Variants in CRACD observed in about 807,000 individuals in gnomAD.
The protein encoded by CRACD is capping protein-inhibiting regulator of actin dynamics.
A neutral mutation model predicts 106.8 loss-of-function variants in CRACD; 56 were observed. That is an observed-to-expected ratio of 0.52 (90% CI 0.42 to 0.66). CRACD has a LOEUF of 0.66. CRACD is among the 30% of genes least tolerant of loss of function. The pLI, the probability that CRACD is intolerant of heterozygous loss-of-function variation, is 0.00. For synonymous variants in CRACD, 754 were observed against 670.8 expected, an observed-to-expected ratio of 1.12 and a Z score of -1.92; for missense variants, 1,730 against 1,623.2, an observed-to-expected ratio of 1.07 and a Z score of -1.13.
intron 2 of CRACD, among the ~76,000 whole-genome samples, chr4:56,190,697 G>A (rs528258035): frequency 9.2e-5 from 14 of 152,060 alleles, no homozygotes; most frequent in Non-Finnish European, 2.1e-4. Flanking sequence ...GGCATTGAGC[G>A]TCTGCAGCTT....
intron 1 of CRACD, among the ~76,000 whole-genome samples, chr4:56,108,172 C>T (rs971183827): frequency 3.6e-4 from 55 of 152,124 alleles, no homozygotes; most frequent in African/African-American, 1.1e-3. Flanking sequence ...TTCTCAATTA[C>T]AAAGGGAGAA....
At chr4:56,233,729 G>C (rs887970152) in intron 2 of CRACD, among the ~76,000 whole-genome samples, 1 of 152,144 alleles carries the variant, frequency 6.6e-6, no homozygotes, top group African/African-American at 2.4e-5. Context: ...GTCAACTTCA[G>C]CAAAACTGCC....
intron 2 of CRACD, among the ~76,000 whole-genome samples, chr4:56,253,195 G>C (rs1170604535): frequency 6.6e-6 from 1 of 152,114 alleles, no homozygotes; most frequent in African/African-American, 2.4e-5. Context: ...CCTCTCCCAG[G>C]CCCTGAAGGT....
At position 56,214,681 on chromosome 4, in the gene CRACD, C is replaced by CTCTCTCTCTATATATATATA; in HGVS notation, c.-189+35252_-189+35253insCTCTCTCTATATATATATAT. On this transcript the variant is annotated intron_variant, in intron 2 of 10. Transcript: ENST00000682029. Reference sequence around the variant, plus strand: ...TCTCTCTCTCTCTCTCTCTCTCTCTCTATATATATATATATCAAACAGTTA... The same window carrying CTCTCTCTCTATATATATATA: ...TCTCTCTCTCTCTCTCTCTCTCTCTCTCTCTCTCTATATATATATATATATATATATATATCAAACAGTTA... Among the ~76,000 whole-genome samples, 585 of 80,924 alleles carry CTCTCTCTCTATATATATATA rather than the reference C, an allele frequency of 7.2e-3. 10 individuals are homozygous for CTCTCTCTCTATATATATATA. The highest frequency in any genetic ancestry group is 0.023 in the African/African-American group (545 of 23,424). The allele number at this position is 80,924 out of a possible 152,430, so 53.1% of individuals were successfully genotyped here.
intron 1 of CRACD, among the ~76,000 whole-genome samples, chr4:56,163,860 C>T (rs73155138): frequency 0.058 from 8,806 of 152,164 alleles, 435 homozygotes; most frequent in African/African-American, 0.12. Context: ...ATTCTCATGC[C>T]TCAGCTTCCA....
chr4:56,136,023 CTT>C (rs879266299), intron 1 of CRACD, among the ~76,000 whole-genome samples: 6 of 144,694 alleles, frequency 4.1e-5, no homozygotes, highest in Non-Finnish European at 7.6e-5. Flanking sequence ...AGTATGTACT[CTT>C]TTTTTTTTTG....
At chr4:56,191,741 C>T (rs112357827) in intron 2 of CRACD, among the ~76,000 whole-genome samples, 4 of 152,288 alleles carry the variant, frequency 2.6e-5, no homozygotes, top group Admixed American at 6.5e-5. Flanking sequence ...CCACCATGTA[C>T]GACGTTATTT....
At chr4:56,223,224 CTTT>C (rs11341953) in intron 2 of CRACD, among the ~76,000 whole-genome samples, 2 of 146,998 alleles carry the variant, frequency 1.4e-5, no homozygotes, top group African/African-American at 2.5e-5. Flanking sequence ...ATTCTTTTCT[CTTT>C]TTTTTTTTTC....
intron 2 of CRACD, among the ~76,000 whole-genome samples, chr4:56,188,131 GA>G (rs1737162345): frequency 6.6e-6 from 1 of 152,138 alleles, no homozygotes; most frequent in Non-Finnish European, 1.5e-5. Flanking sequence ...ATTCCATGCA[GA>G]AAAACATCCC....
chr4:56,089,065 G>A (rs943170532), intron 1 of CRACD, among the ~76,000 whole-genome samples: 2 of 152,108 alleles, frequency 1.3e-5, no homozygotes, highest in Non-Finnish European at 2.9e-5. Context: ...TTTCACTAAC[G>A]AGTTAGAGAT....
rs564203920 is a variant in CRACD at position 56,112,624 on chromosome 4, G to T, written c.-336+63325G>T. ...TCCCCCTGTCTGAGGTCCACTGCCAGCACACCTGGGTTTCTGAAAATTAAC... is the reference window on the plus strand; with the variant it reads ...TCCCCCTGTCTGAGGTCCACTGCCATCACACCTGGGTTTCTGAAAATTAAC... On this transcript the variant is annotated intron_variant, in intron 1 of 10. Transcript: ENST00000682029. Among the ~76,000 whole-genome samples, 61 of 152,262 alleles carry T rather than the reference G, an allele frequency of 4.0e-4. 1 individual carries two copies. Among genetic ancestry groups the T allele is most frequent in the Non-Finnish European group, 7.8e-4 (53 of 68,022 alleles).
At chr4:56,234,706 T>A (rs1739859695) in intron 2 of CRACD, among the ~76,000 whole-genome samples, 1 of 151,798 alleles carries the variant, frequency 6.6e-6, no homozygotes, top group South Asian at 2.1e-4. Flanking sequence ...AGGCAGGGAG[T>A]AGGACAAAGG....
At chr4:56,139,395 C>T (rs562411708) in intron 1 of CRACD, among the ~76,000 whole-genome samples, 1 of 152,000 alleles carries the variant, frequency 6.6e-6, no homozygotes, top group Non-Finnish European at 1.5e-5. Context: ...CTGTCTTTTT[C>T]ATTGCTACTT....
At chr4:56,104,021 G>A (rs542265769) in intron 1 of CRACD, among the ~76,000 whole-genome samples, 6 of 152,258 alleles carry the variant, frequency 3.9e-5, no homozygotes, top group East Asian at 3.9e-4. Flanking sequence ...TGATCCACCC[G>A]CCTTGGCCTC....
chr4:56,328,250 A>G lies in CRACD; in HGVS notation c.*446A>G. 2.0e-6 allele frequency: 1 copy of G among 502,918 alleles called. No individual in the cohort carries two copies. 31.2% of individuals were successfully genotyped at this position (502,918 alleles called of 1,614,324 possible). On this transcript the variant is annotated 3_prime_UTR_variant, in exon 11 of 11. Transcript: ENST00000682029. ...GTCTGGGAATGTTTATCCTTTCTAC[A>G]GTAATGGTGAAAGGATCATATCTAG...
chr4:56,282,053 T>A (rs1213468917), intron 3 of CRACD, among the ~76,000 whole-genome samples: 2 of 152,214 alleles, frequency 1.3e-5, no homozygotes, highest in African/African-American at 4.8e-5. Flanking sequence ...CTCCAGTCTC[T>A]TCCAGCAACT....
intron 1 of CRACD, among the ~76,000 whole-genome samples, chr4:56,146,359 C>T (rs574245429): frequency 1.2e-4 from 18 of 151,348 alleles, no homozygotes; most frequent in Admixed American, 2.6e-4. Context: ...TATTTTTGCC[C>T]GGTATTTTGT....
intron 2 of CRACD, among the ~76,000 whole-genome samples, chr4:56,248,963 C>G (rs950862926): frequency 1.6e-5 from 2 of 127,328 alleles, no homozygotes; most frequent in Non-Finnish European, 3.3e-5. Context: ...TTTTCTTAAT[C>G]CAGTCTATCA....
intron 2 of CRACD, among the ~76,000 whole-genome samples, chr4:56,240,807 G>A (rs1740325616): frequency 6.6e-6 from 1 of 152,196 alleles, no homozygotes; most frequent in Non-Finnish European, 1.5e-5. Flanking sequence ...AAGATTCTTA[G>A]GTTTGTCTTC....
Sources: allele counts gnomAD v4.1 joint callset (sites outside exome capture counted in the v4.1 genomes callset), GRCh38; gene constraint gnomAD v4.1.1; transcripts MANE v1.5; gene names NCBI Gene and HGNC (gene_info 2026-07-23, HGNC 2026-07-21).